The following FBXL7 variants were observed in gnomAD, a reference collection of about 807,000 sequenced individuals.
The protein encoded by FBXL7 is F-box and leucine rich repeat protein 7, also known as F-box/LRR-repeat protein 7.
Under a neutral mutation model 38.3 loss-of-function variants are expected in FBXL7, and 12 were observed. That is an observed-to-expected ratio of 0.31 (90% CI 0.20 to 0.51). The LOEUF is 0.51. Ranked by LOEUF, FBXL7 falls within the 20% of genes least tolerant of loss-of-function variation. The pLI, the probability that FBXL7 is intolerant of heterozygous loss-of-function variation, is 0.98. For synonymous variants in FBXL7, 297 were observed against 300.9 expected, an observed-to-expected ratio of 0.99 and a Z score of 0.13; for missense variants, 567 against 676.4, an observed-to-expected ratio of 0.84 and a Z score of 1.79.
intron 2 of FBXL7, among the ~76,000 whole-genome samples, chr5:15,729,137 G>A (rs1579413607): frequency 1.3e-5 from 2 of 152,102 alleles, no homozygotes; most frequent in African/African-American, 4.8e-5. Flanking sequence ...ATGCAATTAA[G>A]AAATTTGTTT....
At chr5:15,558,906 C>T (rs190365052) in intron 1 of FBXL7, among the ~76,000 whole-genome samples, 53 of 152,214 alleles carry the variant, frequency 3.5e-4, no homozygotes, top group Middle Eastern at 6.8e-3. Flanking sequence ...TGTCAAATCC[C>T]GGGTGCTTTC....
intron 2 of FBXL7, among the ~76,000 whole-genome samples, chr5:15,629,822 C>A (rs1236134776): frequency 2.0e-5 from 3 of 152,094 alleles, no homozygotes; most frequent in Admixed American, 6.6e-5. Flanking sequence ...GATGGAATAA[C>A]CCTCTTGATT....
At chr5:15,697,121 G>A (rs1374993137) in intron 2 of FBXL7, among the ~76,000 whole-genome samples, 2 of 152,106 alleles carry the variant, frequency 1.3e-5, no homozygotes, top group South Asian at 2.1e-4. Flanking sequence ...ATATTTGCAG[G>A]TACCATGTTA....
chr5:15,899,587 T>C (rs1299048002), intron 2 of FBXL7, among the ~76,000 whole-genome samples: 2 of 152,170 alleles, frequency 1.3e-5, no homozygotes, highest in Admixed American at 6.5e-5. Flanking sequence ...CAAAAAACCC[T>C]AGTTTTGCCC....
intron 2 of FBXL7, among the ~76,000 whole-genome samples, chr5:15,833,396 C>T (rs1306951749): frequency 1.3e-5 from 2 of 152,226 alleles, no homozygotes; most frequent in African/African-American, 2.4e-5. Context: ...TCCAAAGGCA[C>T]CATTTTCTAA....
chr5:15,769,344 T>C (rs1194375317), intron 2 of FBXL7, among the ~76,000 whole-genome samples: 1 of 152,142 alleles, frequency 6.6e-6, no homozygotes, highest in Non-Finnish European at 1.5e-5. Context: ...GTATGATGAG[T>C]GTGTGTGTTG....
intron 1 of FBXL7, among the ~76,000 whole-genome samples, chr5:15,543,172 A>C (rs1289069206): frequency 6.6e-6 from 1 of 152,144 alleles, no homozygotes; most frequent in Non-Finnish European, 1.5e-5. Flanking sequence ...GTAATTTATA[A>C]AGAAAAGAGG....
At chr5:15,701,626 A>T (rs1203693990) in intron 2 of FBXL7, among the ~76,000 whole-genome samples, 1 of 152,234 alleles carries the variant, frequency 6.6e-6, no homozygotes, top group Non-Finnish European at 1.5e-5. Context: ...ATATAAAAAA[A>T]ATTTCCAACA....
chr5:15,803,418 A>G (rs1737622766), intron 2 of FBXL7, among the ~76,000 whole-genome samples: 1 of 152,194 alleles, frequency 6.6e-6, no homozygotes, highest in African/African-American at 2.4e-5. Flanking sequence ...GTTAATTTGC[A>G]TGAATCCAAG....
rs1736790503 is a variant in FBXL7, at chr5:15,511,299, C to A, written c.37+10586C>A. Among the ~76,000 whole-genome samples, 3 of 152,158 alleles carry A rather than the reference C, an allele frequency of 2.0e-5. No individual in the cohort carries two copies. The South Asian group carries it at 6.2e-4, about 31-fold the overall frequency. On this transcript the variant is annotated intron_variant, in intron 1 of 3. Transcript: ENST00000504595. ...TGGCATATAAAATGATGAGCATATT[C>A]TTTAGAGTTCACAGAGTGAAAGTAG...
intron 2 of FBXL7, among the ~76,000 whole-genome samples, chr5:15,682,394 C>G (rs928775658): frequency 1.3e-5 from 2 of 152,116 alleles, no homozygotes; most frequent in African/African-American, 4.8e-5. Flanking sequence ...AGGAGGAAAA[C>G]AGGTTGGGTG....
chr5:15,717,285 A>G (rs746197967), intron 2 of FBXL7, among the ~76,000 whole-genome samples: 2 of 152,300 alleles, frequency 1.3e-5, no homozygotes, highest in South Asian at 4.1e-4. Context: ...TCCTATGGCG[A>G]TGTCTCCTAG....
chr5:15,605,810 G>A (rs1358341499), intron 1 of FBXL7, among the ~76,000 whole-genome samples: 2 of 152,090 alleles, frequency 1.3e-5, no homozygotes, highest in South Asian at 2.1e-4. Flanking sequence ...CTTCTGAATG[G>A]TGGCTTCACT....
intron 2 of FBXL7, among the ~76,000 whole-genome samples, chr5:15,687,992 G>C (rs889415502): frequency 5.9e-5 from 9 of 152,176 alleles, no homozygotes. Flanking sequence ...GTGTATACCT[G>C]CATTTGCAGC....
intron 3 of FBXL7, among the ~76,000 whole-genome samples, chr5:15,933,493 G>T (rs989706534): frequency 2.6e-5 from 4 of 152,150 alleles, no homozygotes; most frequent in African/African-American, 7.2e-5. Context: ...AACAAATTCA[G>T]TGCAAGCAGG....
rs1738016599 is a variant in FBXL7 at position 15,549,955 on chromosome 5, C to T, written c.37+49242C>T. On this transcript the variant is annotated intron_variant, in intron 1 of 3. Coordinates refer to ENST00000504595, the MANE Select transcript of FBXL7 (RefSeq NM_012304.5). ...ATGCTTAGAAACGTAGGCCTGCAGG[C>T]AGTCATGGTACTGCTGCATGCAAGG... Among the ~76,000 whole-genome samples the T allele has an allele frequency of 1.3e-5, 2 of 152,168 alleles. 1 individual carries two copies. The highest frequency in any genetic ancestry group is 4.1e-4 in the South Asian group (2 of 4,830).
rs1741958168 is a variant in FBXL7 at position 15,928,588 on chromosome 5, C to G, written c.739+87C>G. The G allele has an allele frequency of 4.0e-6, 6 of 1,497,230 alleles. No individual in the cohort carries two copies. In the South Asian group the frequency reaches 6.6e-5, roughly 16 times the overall value. The allele number at this position is 1,497,230 out of a possible 1,614,324, so 92.7% of individuals were successfully genotyped here. ...GACAGTGCCACCACCGGAGGGTCCT[C>G]TTCTTGCAAGCCATCAGAGATGGGG... is the stretch of plus-strand genomic sequence containing the variant. On this transcript the variant is annotated intron_variant, in intron 3 of 3. Coordinates refer to ENST00000504595, the MANE Select transcript of FBXL7 (RefSeq NM_012304.5). This position sits in a 1 kb window ranked among gnomAD's most constrained non-coding sequence, Gnocchi z 4.0.
rs186282943 is a variant in FBXL7 at position 15,788,697 on chromosome 5, T to A, written c.128-139193T>A. Among the ~76,000 whole-genome samples, 25 of 152,066 alleles carry A rather than the reference T, an allele frequency of 1.6e-4. 2 individuals carry two copies. The East Asian group carries it at 4.9e-3, about 30-fold the overall frequency. On this transcript the variant is annotated intron_variant, in intron 2 of 3. Coordinates refer to ENST00000504595, the MANE Select transcript of FBXL7 (RefSeq NM_012304.5). ...CTCCTGGCTTCAAGGGCACCTCTTT[T>A]TTTTTTTCTTTGACGGAGTCTCGCT...
intron 2 of FBXL7, among the ~76,000 whole-genome samples, chr5:15,851,813 T>C (rs1226128288): frequency 3.0e-5 from 4 of 133,612 alleles, no homozygotes; most frequent in East Asian, 2.1e-4. Context: ...TGCAAACTAA[T>C]ACACACACAC....
Sources: allele counts gnomAD v4.1 joint callset (sites outside exome capture counted in the v4.1 genomes callset), GRCh38; gene constraint gnomAD v4.1.1; non-coding constraint Gnocchi (gnomAD v3.1); transcripts MANE v1.5; gene names NCBI Gene and HGNC (gene_info 2026-07-23, HGNC 2026-07-21).